Variants in NSMAF observed in about 807,000 individuals in gnomAD.
The protein encoded by NSMAF is protein FAN.
NSMAF carries 90 observed loss-of-function variants against 134.9 expected under a neutral mutation model. The observed-to-expected ratio is 0.67, with a 90% CI of 0.56 to 0.79. The LOEUF is 0.79. Among genes scored for constraint, NSMAF ranks in the 30% least tolerant of loss-of-function variants. The pLI is 0.00. For synonymous variants in NSMAF, 358 were observed against 389.6 expected (o/e 0.92, Z 0.96); for missense variants, 1,010 against 1,119.0 (o/e 0.90, Z 1.39).
At chr8:58,595,454 A>T (rs774186664) in intron 22 of NSMAF, 106 bp downstream of exon 22, 4 of 734,928 alleles carry the variant, frequency 5.4e-6, no homozygotes, top group Non-Finnish European at 9.5e-6. Context: ...ACAACATTGA[A>T]AGGGAATTTT....
intron 1 of NSMAF, chr8:58,659,256 C>G: frequency 6.6e-7 from 1 of 1,508,546 alleles, no homozygotes; most frequent in Non-Finnish European, 8.8e-7. Context: ...GCGCGGCCTT[C>G]CGGGTGAGCT....
chr8:58,651,062 A>G (rs1167217480), intron 1 of NSMAF, among the ~76,000 whole-genome samples: 4 of 152,244 alleles, frequency 2.6e-5, no homozygotes, highest in Non-Finnish European at 5.9e-5. Context: ...CCTTCTTAAC[A>G]TTCAGAGCCC....
At chr8:58,597,650 C>T (rs764184295) in intron 20 of NSMAF, 100 bp from the exon 21 acceptor site, 18 of 1,135,588 alleles carry the variant, frequency 1.6e-5, no homozygotes, top group Non-Finnish European at 2.3e-5. Context: ...GACTAACCCT[C>T]AAATAATGAC....
chr8:58,589,701 C>T, intron 25 of NSMAF, 126 bp from the exon 26 acceptor site: 1 of 925,032 alleles, frequency 1.1e-6, no homozygotes, highest in Non-Finnish European at 1.5e-6. Context: ...TTACAAATTG[C>T]TTGTTCTCAA....
Position 58,659,620 on chromosome 8 carries a change from G to C in NSMAF, c.12C>G (p.Ile4Met). 6.8e-7 allele frequency: 1 copy of C among 1,481,356 alleles called. No homozygotes were observed. Among genetic ancestry groups the C allele is most frequent in the Non-Finnish European group, 8.9e-7 (1 of 1,119,594 alleles). The allele number at this position is 1,481,356 out of a possible 1,614,324, so 91.8% of individuals were successfully genotyped here. A position where few individuals can be genotyped will look rare whatever the true frequency, so the allele number is the denominator to read the frequency against. The change falls in exon 1 of 31, where the codon ATC becomes ATG. Residue 4 changes from isoleucine to methionine, a missense_variant. Coordinates refer to ENST00000038176, the MANE Select transcript of NSMAF (RefSeq NM_003580.4). ...GCTGCTGCTCCTGCTGCTTCTTCCG[G>C]ATAAACGCCATGGAGGGTAGGCGCG... MAF[I>M]RKKQQEQQLQ...
chr8:58,595,933 T>C (rs1296445455), intron 21 of NSMAF: 1 of 276,500 alleles, frequency 3.6e-6, no homozygotes, highest in East Asian at 7.6e-5. Flanking sequence ...AACTTATGAA[T>C]TTGGGGAAAT....
intron 5 of NSMAF, among the ~76,000 whole-genome samples, chr8:58,632,312 G>A (rs1807072041): frequency 6.6e-6 from 1 of 151,924 alleles, no homozygotes; most frequent in South Asian, 2.1e-4. Context: ...TCATTGCAAG[G>A]GCTGTCTGTA....
intron 21 of NSMAF, 150 bp from the exon 22 acceptor site, chr8:58,595,809 G>A: frequency 1.7e-6 from 1 of 585,592 alleles, no homozygotes; most frequent in South Asian, 2.1e-5. Context: ...CCTGTTAGAT[G>A]GTTCCACGTT....
intron 9 of NSMAF, 65 bp downstream of exon 9, chr8:58,623,155 G>C: frequency 8.1e-7 from 1 of 1,235,158 alleles, no homozygotes; most frequent in Non-Finnish European, 1.2e-6. Context: ...TGGATTTGCT[G>C]AATGAGGCAT....
At chr8:58,623,568 T>C (rs1049910585) in intron 7 of NSMAF, 141 bp downstream of exon 7, 1 of 1,065,876 alleles carries the variant, frequency 9.4e-7, no homozygotes, top group Non-Finnish European at 1.4e-6. Context: ...TAATATATAG[T>C]TTTTAAACTC....
chr8:58,649,510 C>T (rs749517611), intron 1 of NSMAF, among the ~76,000 whole-genome samples: 18 of 152,066 alleles, frequency 1.2e-4, no homozygotes, highest in Non-Finnish European at 2.5e-4. Flanking sequence ...TGATATAGTT[C>T]GGATGTTTGT....
At chr8:58,618,390 A>G (rs1806712277) in intron 9 of NSMAF, among the ~76,000 whole-genome samples, 1 of 151,912 alleles carries the variant, frequency 6.6e-6, no homozygotes, top group African/African-American at 2.4e-5. Context: ...TTTATATTTT[A>G]TTATGATTTT....
At chr8:58,634,999 A>G (rs1037371976) in intron 5 of NSMAF, among the ~76,000 whole-genome samples, 190 bp downstream of exon 5, 1 of 152,188 alleles carries the variant, frequency 6.6e-6, no homozygotes. Context: ...GATATCACAC[A>G]CTTAATAAAC....
intron 19 of NSMAF, among the ~76,000 whole-genome samples, chr8:58,598,600 A>C (rs1028069091): frequency 1.1e-4 from 17 of 152,144 alleles, no homozygotes; most frequent in Non-Finnish European, 2.4e-4. Context: ...ATAGAGTTTT[A>C]ATTGAAATTA....
intron 9 of NSMAF, among the ~76,000 whole-genome samples, chr8:58,612,868 G>A (rs971733657): frequency 6.6e-6 from 1 of 152,106 alleles, no homozygotes; most frequent in African/African-American, 2.4e-5. Context: ...AAACCACATC[G>A]TATATAGGGA....
At chr8:58,589,901 C>T (rs1037873485) in intron 25 of NSMAF, 106 bp downstream of exon 25, 14 of 869,982 alleles carry the variant, frequency 1.6e-5, no homozygotes, top group African/African-American at 1.4e-4. Flanking sequence ...CTTTAGAAAA[C>T]AGTGCTGTGT....
Position 58,659,734 on chromosome 8 carries a change from G to T in NSMAF, c.-103C>A. 2 of 929,408 alleles carry T rather than the reference G, an allele frequency of 2.2e-6. No individual in the cohort carries two copies. The highest frequency in any genetic ancestry group is 2.8e-6 in the Non-Finnish European group (2 of 711,690). 57.6% of individuals were successfully genotyped at this position (929,408 alleles called of 1,614,324 possible). On this transcript the variant is annotated 5_prime_UTR_variant, in exon 1 of 31. Transcript: ENST00000038176. Reference sequence around the variant, plus strand: ...GGAGGGCGGGATTGGTGGCCGGCTGGGGAGCGCGCGGCTGCCGGCCTGGCT... The same window carrying T: ...GGAGGGCGGGATTGGTGGCCGGCTGTGGAGCGCGCGGCTGCCGGCCTGGCT...
chr8:58,607,786 G>A lies in NSMAF; in HGVS notation c.742C>T (p.His248Tyr). Reference protein sequence around the residue: ...QDVRRIYKRRHGLMPLGLEVF... With the variant: ...QDVRRIYKRRYGLMPLGLEVF... Reference sequence around the variant, plus strand: ...GGACTCACCAGAGGCATGAGGCCGTGCCTCCTTTTGTAGATGCGGCGGACA... The same window carrying A: ...GGACTCACCAGAGGCATGAGGCCGTACCTCCTTTTGTAGATGCGGCGGACA... Residue 248 changes from histidine to tyrosine, a missense_variant, in exon 11 of 31, where the codon CAC becomes TAC. Physicochemically the swap from His to Tyr is moderately conservative, Grantham distance 83. Coordinates refer to ENST00000038176, the MANE Select transcript of NSMAF (RefSeq NM_003580.4). The A allele has an allele frequency of 6.2e-7, 1 of 1,614,090 alleles. No homozygotes were observed. Among genetic ancestry groups the A allele is most frequent in the Non-Finnish European group, 8.5e-7 (1 of 1,179,922 alleles).
At chr8:58,607,686 C>G in intron 11 of NSMAF, 83 bp downstream of exon 11, 1 of 1,012,784 alleles carries the variant, frequency 9.9e-7, no homozygotes. Flanking sequence ...TTCAGACATC[C>G]CATAAGTGTT....
Sources: gnomAD v4.1 joint callset for allele counts (sites outside exome capture counted in the v4.1 genomes callset) on GRCh38, gnomAD v4.1.1 for gene constraint, MANE v1.5 for transcripts, NCBI Gene and HGNC (gene_info 2026-07-23, HGNC 2026-07-21) for gene names.